The following NXPH1 variants were observed in gnomAD, a reference collection of about 807,000 sequenced individuals.
The protein encoded by NXPH1 is neurexophilin 1.
NXPH1 carries 5 observed loss-of-function variants against 23.7 expected under a neutral mutation model. The observed-to-expected ratio is 0.21, with a 90% CI of 0.11 to 0.44. The LOEUF (loss-of-function observed/expected upper bound fraction) is 0.44. Ranked by LOEUF, NXPH1 falls within the 20% of genes least tolerant of loss-of-function variation. The pLI is 0.99. For missense variants in NXPH1, 324 were observed against 321.6 expected (o/e 1.01, Z -0.06); for synonymous variants, 144 against 122.2 (o/e 1.18, Z -1.18).
chr7:8,677,043 G>T (rs1820963619), intron 2 of NXPH1, among the ~76,000 whole-genome samples: 1 of 152,106 alleles, frequency 6.6e-6, no homozygotes. Flanking sequence ...TGAAAGCATG[G>T]TACAGGTTGA....
chr7:8,710,655 T>C (rs1257606363), intron 2 of NXPH1, among the ~76,000 whole-genome samples: 1 of 97,350 alleles, frequency 1.0e-5, no homozygotes, highest in Non-Finnish European at 1.8e-5. Context: ...TTGTTTTTTT[T>C]TTTTTTTTTT....
At chr7:8,570,847 T>C (rs1818629305) in intron 2 of NXPH1, among the ~76,000 whole-genome samples, 1 of 151,652 alleles carries the variant, frequency 6.6e-6, no homozygotes, top group Admixed American at 6.6e-5. Context: ...ATTTTGATAA[T>C]TTGGTAGGCA....
intron 2 of NXPH1, among the ~76,000 whole-genome samples, chr7:8,530,832 G>T (rs1008878317): frequency 1.3e-5 from 2 of 152,178 alleles, no homozygotes; most frequent in African/African-American, 4.8e-5. Flanking sequence ...AACTCTGTTG[G>T]CAAAAGCTTT....
chr7:8,666,756 T>C (rs775616862), intron 2 of NXPH1, among the ~76,000 whole-genome samples: 4 of 152,032 alleles, frequency 2.6e-5, no homozygotes, highest in African/African-American at 9.7e-5. Context: ...TCAGTTTTAG[T>C]AGGTAGTGTA....
At chr7:8,692,735 G>T (rs942838543) in intron 2 of NXPH1, among the ~76,000 whole-genome samples, 1 of 152,126 alleles carries the variant, frequency 6.6e-6, no homozygotes, top group African/African-American at 2.4e-5. Context: ...GTACACAATT[G>T]TAATTCATAC....
intron 2 of NXPH1, among the ~76,000 whole-genome samples, chr7:8,548,040 T>C (rs114617728): frequency 0.016 from 2,373 of 151,672 alleles, 65 homozygotes; most frequent in African/African-American, 0.054. Context: ...GTTCTATTTT[T>C]AGTTCTTTAA....
intron 2 of NXPH1, among the ~76,000 whole-genome samples, chr7:8,454,083 C>G (rs913165154): frequency 1.9e-5 from 2 of 103,634 alleles, no homozygotes; most frequent in South Asian, 3.3e-4. Flanking sequence ...ACACTGGGGC[C>G]TTTTGGAGGG....
intron 2 of NXPH1, among the ~76,000 whole-genome samples, chr7:8,620,476 A>C (rs2115122723): frequency 6.6e-6 from 1 of 152,294 alleles, no homozygotes; most frequent in Admixed American, 6.5e-5. Flanking sequence ...CCCAGAGCCA[A>C]CCAGATCTCA....
intron 2 of NXPH1, among the ~76,000 whole-genome samples, chr7:8,651,588 A>C (rs1820493280): frequency 6.6e-6 from 1 of 152,126 alleles, no homozygotes; most frequent in Non-Finnish European, 1.5e-5. Flanking sequence ...AGTCCCACCA[A>C]CAGTGTAAAA....
At chr7:8,542,836 G>A (rs1340240691) in intron 2 of NXPH1, among the ~76,000 whole-genome samples, 1 of 151,430 alleles carries the variant, frequency 6.6e-6, no homozygotes, top group East Asian at 2.0e-4. Context: ...AGTTTACACA[G>A]GCAAAATAAT....
intron 2 of NXPH1, among the ~76,000 whole-genome samples, chr7:8,461,846 A>AAAAAAAAAAAAAG (rs1554423603): frequency 6.7e-5 from 10 of 150,166 alleles, no homozygotes; most frequent in African/African-American, 2.5e-4. Context: ...CAAAAAAAAA[A>AAAAAAAAAAAAAG]AAAAAGAATA....
intron 2 of NXPH1, among the ~76,000 whole-genome samples, chr7:8,650,001 T>A (rs945877279): frequency 2.0e-5 from 3 of 148,048 alleles, no homozygotes; most frequent in African/African-American, 7.4e-5. Context: ...CATTGGACAG[T>A]TTTACCTGGT....
chr7:8,645,805 A>T (rs1201129257), intron 2 of NXPH1, among the ~76,000 whole-genome samples: 1 of 152,070 alleles, frequency 6.6e-6, no homozygotes, highest in African/African-American at 2.4e-5. Context: ...TTTCATTTGG[A>T]ATTCCCAACA....
At chr7:8,703,098 C>T (rs58033963) in intron 2 of NXPH1, among the ~76,000 whole-genome samples, 73,550 of 151,828 alleles carry the variant, frequency 0.48, 18,663 homozygotes, top group East Asian at 0.8. Context: ...CAGCATATCC[C>T]TAGTAATTGA....
At chr7:8,488,110 G>C (rs890190518) in intron 2 of NXPH1, among the ~76,000 whole-genome samples, 1 of 152,062 alleles carries the variant, frequency 6.6e-6, no homozygotes, top group African/African-American at 2.4e-5. Context: ...CTCTTCATTT[G>C]TTTAATGGTG....
intron 2 of NXPH1, among the ~76,000 whole-genome samples, chr7:8,445,080 C>T (rs1019486438): frequency 2.6e-5 from 4 of 152,198 alleles, no homozygotes; most frequent in Non-Finnish European, 5.9e-5. Context: ...GTGAGATATA[C>T]GTAACTTACA....
At chr7:8,615,213 G>A (rs1819709979) in intron 2 of NXPH1, among the ~76,000 whole-genome samples, 1 of 152,010 alleles carries the variant, frequency 6.6e-6, no homozygotes, top group African/African-American at 2.4e-5. Flanking sequence ...TTCAGGAATG[G>A]GATTGCGGGA....
At chr7:8,606,016 A>ATATGTGTC (rs1461837508) in intron 2 of NXPH1, among the ~76,000 whole-genome samples, 3 of 152,154 alleles carry the variant, frequency 2.0e-5, no homozygotes, top group African/African-American at 7.2e-5. Flanking sequence ...ATGAATATTC[A>ATATGTGTC]TAATTCTTCC....
chr7:8,539,676 CA>C (rs1320034182), intron 2 of NXPH1, among the ~76,000 whole-genome samples: 2 of 151,640 alleles, frequency 1.3e-5, no homozygotes, highest in African/African-American at 2.4e-5. Context: ...GGAAATAAAG[CA>C]TGTATTGATT....
Sources: allele counts gnomAD v4.1 joint callset (sites outside exome capture counted in the v4.1 genomes callset), GRCh38; gene constraint gnomAD v4.1.1; transcripts MANE v1.5; gene names NCBI Gene and HGNC (gene_info 2026-07-23, HGNC 2026-07-21).